RORA: variants seen among roughly 807,000 people sequenced by gnomAD.
The protein encoded by RORA is nuclear receptor ROR-alpha.
A neutral mutation model predicts 69.5 loss-of-function variants in RORA; 7 were observed. That is an observed-to-expected ratio of 0.10 (90% confidence interval 0.06 to 0.19). The LOEUF is 0.19. Among genes scored for constraint, RORA ranks in the 10% least tolerant of loss-of-function variants. The probability of loss-of-function intolerance (pLI) is 1.00; values close to 1 mark genes in which losing one functional copy is unlikely to be tolerated. For missense variants in RORA, 457 were observed against 663.0 expected, an observed-to-expected ratio of 0.69 and a Z score of 3.41; for synonymous variants, 261 against 240.8, an observed-to-expected ratio of 1.08 and a Z score of -0.78.
At chr15:60,593,938 G>T (rs2068611148) in intron 2 of RORA, among the ~76,000 whole-genome samples, 1 of 151,928 alleles carries the variant, frequency 6.6e-6, no homozygotes, top group Admixed American at 6.6e-5. Flanking sequence ...TCCCTCCCCA[G>T]CCCCCTTTCA....
At chr15:60,962,581 C>T (rs1893445723) in intron 1 of RORA, among the ~76,000 whole-genome samples, 1 of 152,198 alleles carries the variant, frequency 6.6e-6, no homozygotes, top group Non-Finnish European at 1.5e-5. Context: ...TCCCCGCTCT[C>T]CTCCACTTTA....
At chr15:60,668,594 G>C (rs1391799509) in intron 2 of RORA, among the ~76,000 whole-genome samples, 2 of 152,170 alleles carry the variant, frequency 1.3e-5, no homozygotes, top group African/African-American at 4.8e-5. Context: ...GTTTTCACCT[G>C]TTCTCTAGAG....
chr15:61,104,016 A>C (rs1403691379), intron 1 of RORA, among the ~76,000 whole-genome samples: 1 of 152,222 alleles, frequency 6.6e-6, no homozygotes, highest in Admixed American at 6.5e-5. Flanking sequence ...CACAAAAGTT[A>C]ATTCTCTGAG....
At chr15:60,596,332 T>A (rs1464904446) in intron 2 of RORA, among the ~76,000 whole-genome samples, 1 of 152,052 alleles carries the variant, frequency 6.6e-6, no homozygotes, top group Non-Finnish European at 1.5e-5. Flanking sequence ...GTCTGCTTGC[T>A]AATTCAATTA....
intron 1 of RORA, among the ~76,000 whole-genome samples, chr15:61,171,536 AC>A (rs1209322471): frequency 6.6e-6 from 1 of 152,190 alleles, no homozygotes; most frequent in African/African-American, 2.4e-5. Context: ...AAAGGAGAAT[AC>A]ACTGCTCAGA....
intron 2 of RORA, among the ~76,000 whole-genome samples, chr15:60,542,856 A>C (rs1009106237): frequency 6.3e-5 from 9 of 142,706 alleles, no homozygotes; most frequent in Non-Finnish European, 1.2e-4. Context: ...CACCCACCCC[A>C]CATACATACA....
At chr15:60,601,095 G>C (rs1486828284) in intron 2 of RORA, 1 of 152,126 alleles carries the variant, frequency 6.6e-6, no homozygotes, top group Non-Finnish European at 1.5e-5. Context: ...TAAACATTAT[G>C]CTGCAACTCT....
chr15:60,734,781 A>C (rs1158312163), intron 1 of RORA, among the ~76,000 whole-genome samples: 6 of 152,244 alleles, frequency 3.9e-5, no homozygotes, highest in African/African-American at 1.4e-4. Flanking sequence ...TGTAACGGCA[A>C]TCATGTAGAG....
chr15:60,601,184 A>T (rs921771072), intron 2 of RORA: 2 of 152,240 alleles, frequency 1.3e-5, no homozygotes, highest in Admixed American at 6.5e-5. Flanking sequence ...TCCAGAAATC[A>T]AGAAGTACTA....
Position 60,511,633 on chromosome 15 carries a change from A to C in RORA, c.425-12T>G, listed in dbSNP as rs1429495294. 6.3e-7 allele frequency: 1 copy of C among 1,597,036 alleles called. No homozygotes were observed. The highest frequency in any genetic ancestry group is 8.5e-7 in the Non-Finnish European group (1 of 1,171,372). On this transcript the variant is annotated splice_polypyrimidine_tract_variant and intron_variant, in intron 4 of 10. Coordinates refer to ENST00000335670, the MANE Select transcript of RORA (RefSeq NM_134261.3). This position sits in a 1 kb window ranked among gnomAD's most constrained non-coding sequence, Gnocchi z 6.4. ...GCCAAATTTTACAGCTGGAAGAAAA[A>C]AGCCAAACCATACTACATACAATGC... is the stretch of plus-strand genomic sequence containing the variant.
At chr15:61,196,273 T>C (rs559296188) in intron 1 of RORA, among the ~76,000 whole-genome samples, 102 of 152,104 alleles carry the variant, frequency 6.7e-4, no homozygotes, top group African/African-American at 2.3e-3. Flanking sequence ...ATAGCTGCAA[T>C]ATCAGACTAT....
intron 3 of RORA, among the ~76,000 whole-genome samples, chr15:60,518,413 C>T (rs753755533): frequency 5.3e-5 from 8 of 152,192 alleles, no homozygotes; most frequent in Non-Finnish European, 8.8e-5. Context: ...TTGTAGTAAC[C>T]ATATCTTTTT....
At chr15:60,505,258 G>T (rs772705672) in intron 6 of RORA, among the ~76,000 whole-genome samples, 2 of 152,140 alleles carry the variant, frequency 1.3e-5, no homozygotes, top group Non-Finnish European at 2.9e-5. Context: ...CTATTCTCCT[G>T]TTGACAAATG....
chr15:61,055,234 T>C (rs2078078841), intron 1 of RORA, among the ~76,000 whole-genome samples: 1 of 152,190 alleles, frequency 6.6e-6, no homozygotes, highest in Admixed American at 6.5e-5. Flanking sequence ...TTCTCACTTT[T>C]TAAAAATTCG....
chr15:60,611,278 C>T (rs2069078891), intron 2 of RORA, among the ~76,000 whole-genome samples: 1 of 151,970 alleles, frequency 6.6e-6, no homozygotes, highest in South Asian at 2.1e-4. Flanking sequence ...AGTGGCTAGA[C>T]CCTTGTTTCA....
intron 1 of RORA, among the ~76,000 whole-genome samples, chr15:61,108,045 T>C (rs2078968246): frequency 6.6e-6 from 1 of 152,202 alleles, no homozygotes; most frequent in Non-Finnish European, 1.5e-5. Context: ...ATAACCCTTC[T>C]ATTTCAATTC....
chr15:60,778,295 T>C (rs543622668), intron 1 of RORA, among the ~76,000 whole-genome samples: 1 of 141,558 alleles, frequency 7.1e-6, no homozygotes, highest in South Asian at 2.3e-4. Flanking sequence ...GATTAGGTTA[T>C]TGTGATTTTT....
chr15:61,218,300 G>C (rs1263460919), intron 1 of RORA, among the ~76,000 whole-genome samples: 2 of 152,000 alleles, frequency 1.3e-5, no homozygotes, highest in East Asian at 1.9e-4. Context: ...AGCGGTTCCA[G>C]TGTTAGGACC....
chr15:60,738,495 G>A (rs771984742), intron 1 of RORA, among the ~76,000 whole-genome samples: 3 of 152,002 alleles, frequency 2.0e-5, no homozygotes, highest in South Asian at 2.1e-4. Context: ...GGCCCTGGGT[G>A]CTTTTGGCTT....
Sources: allele counts gnomAD v4.1 joint callset (sites outside exome capture counted in the v4.1 genomes callset), GRCh38; gene constraint gnomAD v4.1.1; non-coding constraint Gnocchi (gnomAD v3.1); transcripts MANE v1.5; gene names NCBI Gene and HGNC (gene_info 2026-07-23, HGNC 2026-07-21).